Variants in DNER observed in about 807,000 individuals in gnomAD.
DNER encodes the protein delta and Notch-like epidermal growth factor-related receptor.
Under a neutral mutation model 78.2 loss-of-function variants are expected in DNER, and 33 were observed. That is an observed-to-expected ratio of 0.42 (90% CI 0.32 to 0.56). The LOEUF (loss-of-function observed/expected upper bound fraction) is 0.56, where lower values mean the gene tolerates loss of function less well. DNER is among the 20% of genes least tolerant of loss of function. The probability of loss-of-function intolerance (pLI) is 0.11; values close to 1 mark genes in which losing one functional copy is unlikely to be tolerated. For synonymous variants in DNER, 417 were observed against 384.8 expected (o/e 1.08, Z -0.98); for missense variants, 918 against 975.3 (o/e 0.94, Z 0.78).
At chr2:229,681,042 C>A (rs1338694627) in intron 1 of DNER, among the ~76,000 whole-genome samples, 1 of 152,130 alleles carries the variant, frequency 6.6e-6, no homozygotes, top group African/African-American at 2.4e-5. Flanking sequence ...AAAGGAGAGG[C>A]ATATATGGGG....
chr2:229,513,643 G>A lies in DNER; in HGVS notation c.994-707C>T, dbSNP rs115796073. Among the ~76,000 whole-genome samples the A allele has an allele frequency of 8.6e-3, 1,315 of 152,196 alleles. 15 individuals carry two copies. The highest frequency in any genetic ancestry group is 0.03 in the African/African-American group (1,242 of 41,524). On this transcript the variant is annotated intron_variant, in intron 5 of 12. Coordinates refer to ENST00000341772, the MANE Select transcript of DNER (RefSeq NM_139072.4). The stretch of plus-strand genomic sequence containing the variant: ...CTTCTTAATGACAGCCTAGGGGTAC[G>A]GGCATGTCTGAAATAAACCACAAAT...
chr2:229,465,609 CAG>C (rs1694788083), intron 7 of DNER, among the ~76,000 whole-genome samples: 1 of 152,028 alleles, frequency 6.6e-6, no homozygotes, highest in Non-Finnish European at 1.5e-5. Context: ...AAAAAACAAA[CAG>C]AATCTCAGCC....
At chr2:229,582,095 C>T (rs1419782108) in intron 4 of DNER, among the ~76,000 whole-genome samples, 5 of 152,174 alleles carry the variant, frequency 3.3e-5, no homozygotes, top group Non-Finnish European at 7.3e-5. Context: ...TCCGCCCACC[C>T]TAACATTGGT....
intron 3 of DNER, chr2:229,586,548 AAACACAC>A: frequency 1.0e-5 from 1 of 96,932 alleles, no homozygotes; most frequent in Non-Finnish European, 1.6e-5. Flanking sequence ...AAAAAAAAAA[AAACACAC>A]AAAACCACCC....
At chr2:229,520,383 A>G (rs1696070702) in intron 5 of DNER, among the ~76,000 whole-genome samples, 1 of 152,184 alleles carries the variant, frequency 6.6e-6, no homozygotes, top group South Asian at 2.1e-4. Context: ...CGAAATGGAG[A>G]TGATTCAAGC....
At chr2:229,372,095 C>T (rs370538127) in intron 11 of DNER, among the ~76,000 whole-genome samples, 2 of 152,136 alleles carry the variant, frequency 1.3e-5, no homozygotes, top group Non-Finnish European at 2.9e-5. Context: ...TTATGGGGAT[C>T]CATTCACTGA....
intron 7 of DNER, among the ~76,000 whole-genome samples, chr2:229,471,420 T>C (rs1001304390): frequency 6.6e-6 from 1 of 152,200 alleles, no homozygotes; most frequent in Non-Finnish European, 1.5e-5. Context: ...TACAGGACCT[T>C]TGGGCCAACA....
Position 229,499,061 on chromosome 2 carries a change from G to T in DNER, c.1147+13722C>A, listed in dbSNP as rs144059202. ...ACAGCATGGTGCTGGCATGAAAACA[G>T]ATGCATACTAATGGAACACAACAGA... On this transcript the variant is annotated intron_variant, in intron 6 of 12. Transcript: ENST00000341772. Among the ~76,000 whole-genome samples the T allele has an allele frequency of 3.1e-3, 465 of 152,270 alleles. 2 individuals carry two copies. The highest frequency in any genetic ancestry group is 0.011 in the African/African-American group (444 of 41,562).
intron 6 of DNER, among the ~76,000 whole-genome samples, chr2:229,481,224 G>A (rs1247691581): frequency 6.6e-6 from 1 of 152,184 alleles, no homozygotes; most frequent in Non-Finnish European, 1.5e-5. Flanking sequence ...AGGAGCTCAA[G>A]ACCTGACAAT....
At chr2:229,505,991 G>A (rs907269101) in intron 6 of DNER, among the ~76,000 whole-genome samples, 1 of 152,138 alleles carries the variant, frequency 6.6e-6, no homozygotes, top group African/African-American at 2.4e-5. Flanking sequence ...TTTAATAGAA[G>A]ACATAACAGA....
chr2:229,706,514 G>A (rs1272050644), intron 1 of DNER, among the ~76,000 whole-genome samples: 1 of 151,506 alleles, frequency 6.6e-6, no homozygotes, highest in African/African-American at 2.4e-5. Context: ...AGTGAGCCGA[G>A]ATCACACCAC....
intron 5 of DNER, among the ~76,000 whole-genome samples, chr2:229,542,010 T>G (rs1252726074): frequency 1.4e-5 from 2 of 147,876 alleles, no homozygotes; most frequent in East Asian, 3.9e-4. Flanking sequence ...ATATAATATA[T>G]ATAATCGCCA....
intron 1 of DNER, among the ~76,000 whole-genome samples, chr2:229,644,403 G>A (rs942421573): frequency 1.4e-5 from 2 of 140,832 alleles, no homozygotes; most frequent in African/African-American, 5.5e-5. Context: ...GAGTGCAGTG[G>A]TGTGATCTCA....
intron 1 of DNER, among the ~76,000 whole-genome samples, chr2:229,710,302 G>A (rs1475670543): frequency 6.6e-6 from 1 of 152,118 alleles, no homozygotes; most frequent in East Asian, 1.9e-4. Flanking sequence ...GCTCCCTATT[G>A]TAACTATGAC....
chr2:229,620,661 G>A (rs139572970), intron 1 of DNER, among the ~76,000 whole-genome samples: 1,651 of 152,344 alleles, frequency 0.011, 24 homozygotes, highest in Non-Finnish European at 0.014. Flanking sequence ...CTGGGATGGG[G>A]CGTCAGTCCC....
At position 229,591,793 on chromosome 2, in the gene DNER, A is replaced by C. The variant is rs768586225; in HGVS notation, c.372T>G (p.Asn124Lys). Reference sequence around the variant, plus strand: ...CACAGTTGGGACCTTCATAGCCTTCATTGCAAATGCAGAGGTAGCCATCGC... The same window carrying C: ...CACAGTTGGGACCTTCATAGCCTTCCTTGCAAATGCAGAGGTAGCCATCGC... ...SSSDGYLCIC[N>K]EGYEGPNCEQ... The change falls in exon 2 of 13, where the codon AAT (asparagine) becomes AAG (lysine). Residue 124 changes from asparagine to lysine, a missense_variant. Coordinates refer to ENST00000341772, the MANE Select transcript of DNER (RefSeq NM_139072.4). The surrounding 1 kb of genome is among the most constrained non-coding windows in gnomAD (Gnocchi z 4.6). 3.1e-6 allele frequency: 5 copies of C among 1,614,046 alleles called. No individual in the cohort carries two copies. In the East Asian group the frequency reaches 8.9e-5, roughly 29 times the overall value.
At chr2:229,461,070 G>A (rs1289698123) in intron 7 of DNER, among the ~76,000 whole-genome samples, 1 of 152,038 alleles carries the variant, frequency 6.6e-6, no homozygotes, top group Non-Finnish European at 1.5e-5. Flanking sequence ...TACAACACAA[G>A]GTGGAAAAGG....
At chr2:229,457,868 T>C (rs1694610069) in intron 7 of DNER, among the ~76,000 whole-genome samples, 1 of 150,822 alleles carries the variant, frequency 6.6e-6, no homozygotes, top group African/African-American at 2.4e-5. Flanking sequence ...ACAGGTGCGG[T>C]GGCTTACACC....
At chr2:229,570,662 G>A (rs1163563461) in intron 4 of DNER, among the ~76,000 whole-genome samples, 4 of 152,088 alleles carry the variant, frequency 2.6e-5, no homozygotes, top group African/African-American at 9.7e-5. Flanking sequence ...ATTCTATGGG[G>A]GAAAAGAGAG....
Sources: allele counts gnomAD v4.1 joint callset (sites outside exome capture counted in the v4.1 genomes callset), GRCh38; gene constraint gnomAD v4.1.1; non-coding constraint Gnocchi (gnomAD v3.1); transcripts MANE v1.5; gene names NCBI Gene and HGNC (gene_info 2026-07-23, HGNC 2026-07-21).